Variants in GLI3 observed in about 807,000 individuals in gnomAD.
GLI3 encodes the protein GLI family zinc finger 3.
In GLI3, 20 loss-of-function variants were observed where a neutral mutation model predicts 100.8. That is an observed-to-expected ratio of 0.20 (90% CI 0.14 to 0.29). GLI3 has a LOEUF of 0.29. Ranked by LOEUF, GLI3 falls within the 10% of genes least tolerant of loss-of-function variation. The pLI is 1.00. For synonymous variants in GLI3, 938 were observed against 860.5 expected, an observed-to-expected ratio of 1.09 and a Z score of -1.58; for missense variants, 2,040 against 2,128.5, an observed-to-expected ratio of 0.96 and a Z score of 0.82.
chr7:42,113,549 A>G (rs888302480), intron 3 of GLI3: 3 of 1,186,328 alleles, frequency 2.5e-6, no homozygotes, highest in Non-Finnish European at 3.7e-6. Context: ...CAAGGAGGGG[A>G]ATAACCCTAC....
At chr7:42,176,560 A>T (rs1787484330) in intron 2 of GLI3, among the ~76,000 whole-genome samples, 1 of 152,204 alleles carries the variant, frequency 6.6e-6, no homozygotes, top group Non-Finnish European at 1.5e-5. Flanking sequence ...GGGATTGCCA[A>T]CCCCAGTCTG....
intron 10 of GLI3, among the ~76,000 whole-genome samples, chr7:41,984,933 CACAA>C (rs1423998477): frequency 2.0e-5 from 3 of 152,256 alleles, no homozygotes; most frequent in African/African-American, 7.2e-5. Context: ...CTCACATACA[CACAA>C]ACACCCATGT....
At chr7:42,170,538 G>T (rs979427034) in intron 2 of GLI3, among the ~76,000 whole-genome samples, 37 of 151,140 alleles carry the variant, frequency 2.4e-4, no homozygotes, top group Non-Finnish European at 4.4e-4. Flanking sequence ...GAGTAGCTGG[G>T]ACTACAGGTG....
At chr7:42,079,869 A>C (rs1016743953) in intron 3 of GLI3, among the ~76,000 whole-genome samples, 2 of 152,230 alleles carry the variant, frequency 1.3e-5, no homozygotes, top group Admixed American at 1.3e-4. Context: ...AAAATGTGTG[A>C]ATTTATTCCA....
intron 3 of GLI3, among the ~76,000 whole-genome samples, chr7:42,137,116 T>G (rs1237785940): frequency 1.3e-5 from 2 of 152,200 alleles, no homozygotes; most frequent in African/African-American, 4.8e-5. Flanking sequence ...CTCATAAGGT[T>G]GTTTTGTGGG....
intron 4 of GLI3, among the ~76,000 whole-genome samples, chr7:42,058,517 C>T (rs1398717181): frequency 6.6e-6 from 1 of 152,182 alleles, no homozygotes; most frequent in South Asian, 2.1e-4. Flanking sequence ...TCAAAACTTA[C>T]AAAATATTGA....
chr7:42,010,997 C>T (rs1211232042), intron 10 of GLI3, among the ~76,000 whole-genome samples: 1 of 152,216 alleles, frequency 6.6e-6, no homozygotes, highest in African/African-American at 2.4e-5. Context: ...AACCTACACC[C>T]CATTCCTCTG....
intron 2 of GLI3, among the ~76,000 whole-genome samples, chr7:42,219,021 A>C (rs929419189): frequency 2.0e-5 from 3 of 152,246 alleles, no homozygotes; most frequent in Non-Finnish European, 2.9e-5. Context: ...TTAGATGAAA[A>C]AAACTCTTAT....
At chr7:41,971,301 G>A (rs1428051505) in intron 13 of GLI3, among the ~76,000 whole-genome samples, 2 of 152,210 alleles carry the variant, frequency 1.3e-5, no homozygotes, top group African/African-American at 4.8e-5. Context: ...GCATCCGGCA[G>A]TCTGAGCATG....
intron 4 of GLI3, among the ~76,000 whole-genome samples, chr7:42,070,321 C>T (rs1405104227): frequency 6.6e-6 from 1 of 152,170 alleles, no homozygotes; most frequent in African/African-American, 2.4e-5. Context: ...GCTGTATTTC[C>T]ACCTTGGGAA....
intron 10 of GLI3, among the ~76,000 whole-genome samples, chr7:41,988,358 G>A (rs557215684): frequency 6.6e-6 from 1 of 152,122 alleles, no homozygotes; most frequent in Non-Finnish European, 1.5e-5. Flanking sequence ...AGCTACTCGG[G>A]AGGCTGAGGC....
chr7:42,218,295 TAA>T (rs201094629), intron 2 of GLI3, among the ~76,000 whole-genome samples: 1 of 151,232 alleles, frequency 6.6e-6, no homozygotes, highest in Non-Finnish European at 1.5e-5. Flanking sequence ...CTCTTACCAT[TAA>T]AAAAAAGTCA....
At chr7:42,081,131 C>G (rs139750652) in intron 3 of GLI3, among the ~76,000 whole-genome samples, 14 of 152,260 alleles carry the variant, frequency 9.2e-5, no homozygotes, top group African/African-American at 3.4e-4. Flanking sequence ...CTCCACAAAC[C>G]AGCTGCTAAG....
Position 42,148,235 on chromosome 7 carries a change from G to T in GLI3, c.358C>A (p.Pro120Thr). ...AMDPRNGYME[P>T]HYHPPHLFPA... ...TGGCATGGGCACTTACGGTAGTGGG[G>T]CTCCATGTAACCATTCCTGGGGTCC... is the stretch of plus-strand genomic sequence containing the variant. The change falls in exon 3 of 15, where the codon CCC becomes ACC. Residue 120 changes from proline to threonine, a missense_variant. By Grantham distance (38) the Pro-to-Thr change is conservative (BLOSUM62 -1). Coordinates refer to ENST00000395925, the MANE Select transcript of GLI3 (RefSeq NM_000168.6). The T allele has an allele frequency of 6.2e-7, 1 of 1,610,610 alleles. No homozygotes were observed. The highest frequency in any genetic ancestry group is 8.5e-7 in the Non-Finnish European group (1 of 1,178,198).
intron 7 of GLI3, among the ~76,000 whole-genome samples, chr7:42,036,407 G>C (rs1789439153): frequency 6.6e-6 from 1 of 152,190 alleles, no homozygotes; most frequent in Admixed American, 6.5e-5. Flanking sequence ...CAATATGAGA[G>C]AATGCAGGTG....
rs867864060 is a variant in GLI3 at position 42,098,788 on chromosome 7, G to A, written c.368-21931C>T. ...TTTTTCAGCTACCCCAAGAGAAAAC[G>A]GAAATAAAATGGGCCCAGTATAGAA... On this transcript the variant is annotated intron_variant, in intron 3 of 14. Coordinates refer to ENST00000395925, the MANE Select transcript of GLI3 (RefSeq NM_000168.6). 4.6e-5 allele frequency among the ~76,000 whole-genome samples: 7 copies of A among 152,174 alleles called. No homozygotes were observed. The South Asian group carries it at 1.2e-3, about 27-fold the overall frequency.
chr7:42,223,043 C>A, intron 2 of GLI3, 87 bp downstream of exon 2: 1 of 1,498,728 alleles, frequency 6.7e-7, no homozygotes. Context: ...AAACACTGGT[C>A]CAGGTGCAAA....
chr7:42,232,831 G>A (rs923893718), intron 1 of GLI3, among the ~76,000 whole-genome samples: 12 of 152,106 alleles, frequency 7.9e-5, no homozygotes, highest in Admixed American at 1.3e-4. Flanking sequence ...AGCTTCTTTA[G>A]AAGGCCATAG....
chr7:42,120,494 T>C (rs994419776), intron 3 of GLI3, among the ~76,000 whole-genome samples: 11 of 152,198 alleles, frequency 7.2e-5, no homozygotes, highest in African/African-American at 2.2e-4. Flanking sequence ...CTGAAGAAAT[T>C]TGCAAGTAAT....
Sources: allele counts gnomAD v4.1 joint callset (sites outside exome capture counted in the v4.1 genomes callset), GRCh38; gene constraint gnomAD v4.1.1; transcripts MANE v1.5; gene names NCBI Gene and HGNC (gene_info 2026-07-23, HGNC 2026-07-21).